The following NALF1 variants were observed in gnomAD, a reference collection of about 807,000 sequenced individuals.
The protein encoded by NALF1 is family with sequence similarity 155 member A.
Under a neutral mutation model 48.4 loss-of-function variants are expected in NALF1, and 3 were observed. The observed-to-expected ratio is 0.06, with a 90% CI of 0.03 to 0.16. The LOEUF (loss-of-function observed/expected upper bound fraction) is 0.16, where lower values mean the gene tolerates loss of function less well. Among genes scored for constraint, NALF1 ranks in the 10% least tolerant of loss-of-function variants. The pLI, the probability that NALF1 is intolerant of heterozygous loss-of-function variation, is 1.00. For missense variants in NALF1, 526 were observed against 571.5 expected (o/e 0.92, Z 0.81); for synonymous variants, 262 against 245.7 (o/e 1.07, Z -0.62).
At chr13:107,483,847 A>G (rs1885288882) in intron 1 of NALF1, among the ~76,000 whole-genome samples, 1 of 152,084 alleles carries the variant, frequency 6.6e-6, no homozygotes, top group South Asian at 2.1e-4. Flanking sequence ...AGCATTAAAT[A>G]TAAATGCTAC....
intron 1 of NALF1, among the ~76,000 whole-genome samples, chr13:107,680,103 G>A (rs1032010093): frequency 4.0e-5 from 6 of 151,772 alleles, no homozygotes; most frequent in Non-Finnish European, 7.4e-5. Context: ...ATGTGCCCAG[G>A]TGCCCAGCTG....
intron 1 of NALF1, among the ~76,000 whole-genome samples, chr13:107,434,095 T>C (rs1379187031): frequency 6.6e-6 from 1 of 152,208 alleles, no homozygotes; most frequent in Non-Finnish European, 1.5e-5. Flanking sequence ...ATGAAGTAAA[T>C]TGACTAAGGG....
intron 1 of NALF1, among the ~76,000 whole-genome samples, chr13:107,503,855 A>G (rs1875606510): frequency 6.6e-6 from 1 of 151,606 alleles, no homozygotes; most frequent in African/African-American, 2.4e-5. Context: ...GTAGACCTAG[A>G]GGACATTTTG....
chr13:107,509,755 T>C (rs1875818853), intron 1 of NALF1, among the ~76,000 whole-genome samples: 1 of 152,162 alleles, frequency 6.6e-6, no homozygotes, highest in African/African-American at 2.4e-5. Context: ...GACTCTCCTT[T>C]GAAATTCCTG....
At chr13:107,236,683 ATC>A (rs1391490451) in intron 1 of NALF1, among the ~76,000 whole-genome samples, 2 of 85,150 alleles carry the variant, frequency 2.3e-5, no homozygotes, top group African/African-American at 4.9e-5. Flanking sequence ...CTATCTATCT[ATC>A]TATCTATCTA....
intron 1 of NALF1, among the ~76,000 whole-genome samples, chr13:107,426,845 A>G (rs960312614): frequency 6.6e-6 from 1 of 152,136 alleles, no homozygotes; most frequent in Non-Finnish European, 1.5e-5. Context: ...AATTGATGGT[A>G]TCATGTTATC....
chr13:107,319,408 T>C (rs1294575441), intron 1 of NALF1, among the ~76,000 whole-genome samples: 3 of 151,940 alleles, frequency 2.0e-5, no homozygotes, highest in Admixed American at 6.6e-5. Flanking sequence ...AATGGAGATA[T>C]GACAAGAACC....
chr13:107,294,196 G>A (rs1313247274), intron 1 of NALF1, among the ~76,000 whole-genome samples: 1 of 152,196 alleles, frequency 6.6e-6, no homozygotes, highest in Admixed American at 6.5e-5. Flanking sequence ...GGACAAAGGA[G>A]AAGAATGCTG....
At chr13:107,271,814 A>ATATTTATATTTATT (rs1881180145) in intron 1 of NALF1, among the ~76,000 whole-genome samples, 1 of 102,596 alleles carries the variant, frequency 9.7e-6, no homozygotes, top group Non-Finnish European at 1.8e-5. Context: ...ATATATATAT[A>ATATTTATATTTATT]TATTTATATA....
chr13:107,540,049 T>TGTACACACACACACAC (rs1555307598), intron 1 of NALF1, among the ~76,000 whole-genome samples: 1,626 of 149,510 alleles, frequency 0.011, 30 homozygotes, highest in African/African-American at 0.037. Context: ...GCTTCTGATG[T>TGTACACACACACACAC]ACACACACAC....
At chr13:107,327,305 G>A (rs1225803465) in intron 1 of NALF1, among the ~76,000 whole-genome samples, 1 of 151,994 alleles carries the variant, frequency 6.6e-6, no homozygotes, top group Non-Finnish European at 1.5e-5. Context: ...ACTCAGATGG[G>A]CCTTGGCCTG....
intron 1 of NALF1, among the ~76,000 whole-genome samples, chr13:107,246,603 G>T (rs1432980199): frequency 6.6e-6 from 1 of 152,190 alleles, no homozygotes; most frequent in Non-Finnish European, 1.5e-5. Flanking sequence ...TAAATACTTT[G>T]ATTAGTATTA....
At chr13:107,229,931 C>T (rs1408567) in intron 1 of NALF1, among the ~76,000 whole-genome samples, 59,622 of 151,838 alleles carry the variant, frequency 0.39, 12,013 homozygotes, top group Middle Eastern at 0.47. Context: ...CAGGGTAAAG[C>T]GAAGGGACAC....
chr13:107,723,892 C>A (rs1246265326), intron 1 of NALF1, among the ~76,000 whole-genome samples: 1 of 151,988 alleles, frequency 6.6e-6, no homozygotes, highest in Non-Finnish European at 1.5e-5. Context: ...TACAAAGAGC[C>A]CAAATATTCT....
intron 1 of NALF1, among the ~76,000 whole-genome samples, chr13:107,416,690 T>C (rs554429385): frequency 1.3e-5 from 2 of 152,280 alleles, no homozygotes; most frequent in East Asian, 1.9e-4. Flanking sequence ...TAGCTAAGTT[T>C]TGGAAGGTCA....
In NALF1 at chr13:107,438,827, C is replaced by CAAAAAAAAAAAAAAAAAAAAAA. The variant is rs61686895; in HGVS notation, c.916-228094_916-228073dup. ...TGGATGACAGAGTGAGACTCCATCT[C>CAAAAAAAAAAAAAAAAAAAAAA]AAAAAAAAAAAAAAAAAAAAAAAAG... On this transcript the variant is annotated intron_variant, in intron 1 of 2. Coordinates refer to ENST00000375915, the MANE Select transcript of NALF1 (RefSeq NM_001080396.3). Among the ~76,000 whole-genome samples, 29 of 17,952 alleles carry CAAAAAAAAAAAAAAAAAAAAAA rather than the reference C, an allele frequency of 1.6e-3. 2 individuals are homozygous for CAAAAAAAAAAAAAAAAAAAAAA. The highest frequency in any genetic ancestry group is 5.4e-3 in the East Asian group (3 of 556). 11.8% of individuals were successfully genotyped at this position (17,952 alleles called of 152,430 possible).
At chr13:107,523,574 A>C (rs1247353991) in intron 1 of NALF1, among the ~76,000 whole-genome samples, 1 of 128,292 alleles carries the variant, frequency 7.8e-6, no homozygotes, top group East Asian at 2.4e-4. Context: ...CTTTCTTGGG[A>C]ATCACTGATA....
At chr13:107,847,184 T>C (rs969599163) in intron 1 of NALF1, among the ~76,000 whole-genome samples, 1 of 152,204 alleles carries the variant, frequency 6.6e-6, no homozygotes, top group Non-Finnish European at 1.5e-5. Context: ...TAAAATTTAA[T>C]TTACCTATTT....
At chr13:107,366,775 C>T (rs1256934944) in intron 1 of NALF1, among the ~76,000 whole-genome samples, 9 of 152,238 alleles carry the variant, frequency 5.9e-5, no homozygotes, top group Admixed American at 5.9e-4. Flanking sequence ...CCTCCACTTT[C>T]TCTCTTATTG....
Sources: gnomAD v4.1 joint callset for allele counts (sites outside exome capture counted in the v4.1 genomes callset) on GRCh38, gnomAD v4.1.1 for gene constraint, MANE v1.5 for transcripts, NCBI Gene and HGNC (gene_info 2026-07-23, HGNC 2026-07-21) for gene names.